NRG3: variants seen among roughly 807,000 people sequenced by gnomAD.
NRG3 encodes neuregulin 3, also known as pro-neuregulin-3, membrane-bound isoform.
Under a neutral mutation model 66.9 loss-of-function variants are expected in NRG3, and 31 were observed. The observed-to-expected ratio is 0.46, with a 90% CI of 0.35 to 0.63. The LOEUF (loss-of-function observed/expected upper bound fraction) is 0.63. NRG3 is among the 20% of genes least tolerant of loss of function. The pLI is 0.00. For synonymous variants in NRG3, 393 were observed against 359.4 expected, an observed-to-expected ratio of 1.09 and a Z score of -1.06; for missense variants, 910 against 878.9, an observed-to-expected ratio of 1.04 and a Z score of -0.45.
chr10:82,088,729 G>T (rs1312628121), intron 1 of NRG3, among the ~76,000 whole-genome samples: 1 of 152,076 alleles, frequency 6.6e-6, no homozygotes, highest in Non-Finnish European at 1.5e-5. Flanking sequence ...TTGAAGACAG[G>T]AAGTAGGGAG....
chr10:82,176,472 G>A (rs1051575356), intron 1 of NRG3, among the ~76,000 whole-genome samples: 9 of 152,110 alleles, frequency 5.9e-5, no homozygotes, highest in African/African-American at 2.2e-4. Flanking sequence ...AGATAGAAAT[G>A]CATGCTTGCT....
At chr10:82,968,709 G>A (rs145485319) in intron 6 of NRG3, among the ~76,000 whole-genome samples, 5 of 147,762 alleles carry the variant, frequency 3.4e-5, no homozygotes, top group African/African-American at 9.8e-5. Flanking sequence ...CTGACTTTTA[G>A]TGATTTGGCA....
At chr10:82,114,199 C>CATTTTGTT (rs1345759743) in intron 1 of NRG3, among the ~76,000 whole-genome samples, 2 of 152,230 alleles carry the variant, frequency 1.3e-5, no homozygotes, top group Non-Finnish European at 2.9e-5. Flanking sequence ...AGATATACCC[C>CATTTTGTT]ATTTTGTTCA....
intron 2 of NRG3, among the ~76,000 whole-genome samples, chr10:82,714,925 C>G: frequency 6.6e-6 from 1 of 152,106 alleles, no homozygotes; most frequent in East Asian, 1.9e-4. Flanking sequence ...TATTCTTAAA[C>G]ACAAAAATGA....
chr10:82,470,484 A>G (rs900385015), intron 2 of NRG3, among the ~76,000 whole-genome samples: 7 of 152,262 alleles, frequency 4.6e-5, no homozygotes, highest in Non-Finnish European at 8.8e-5. Flanking sequence ...TGTTAGCTAC[A>G]GGGACAGAAA....
chr10:82,524,720 T>C (rs956297947), intron 2 of NRG3, among the ~76,000 whole-genome samples: 2 of 151,936 alleles, frequency 1.3e-5, no homozygotes, highest in African/African-American at 4.8e-5. Context: ...TTCTTTTTAA[T>C]ATAGAACATT....
chr10:82,895,058 G>A (rs375759645), intron 4 of NRG3, among the ~76,000 whole-genome samples: 3 of 152,148 alleles, frequency 2.0e-5, no homozygotes, highest in Admixed American at 6.5e-5. Flanking sequence ...CCGTGTGCCT[G>A]CAAAGGACAT....
chr10:82,529,809 C>T (rs898819549), intron 2 of NRG3, among the ~76,000 whole-genome samples: 12 of 152,152 alleles, frequency 7.9e-5, no homozygotes, highest in Non-Finnish European at 1.2e-4. Context: ...ATTAATACAG[C>T]TCTGAAGTGT....
intron 2 of NRG3, among the ~76,000 whole-genome samples, chr10:82,445,214 G>A (rs2090651397): frequency 6.6e-6 from 1 of 151,658 alleles, no homozygotes; most frequent in African/African-American, 2.4e-5. Context: ...TGCCTTGGCA[G>A]ATGACTCCCA....
chr10:82,862,735 T>C (rs920747924), intron 3 of NRG3, among the ~76,000 whole-genome samples: 4 of 152,178 alleles, frequency 2.6e-5, no homozygotes, highest in African/African-American at 9.7e-5. Flanking sequence ...TGTCTACACT[T>C]ACTTGGGATT....
At chr10:82,913,548 T>C (rs556344121) in intron 4 of NRG3, among the ~76,000 whole-genome samples, 2 of 152,294 alleles carry the variant, frequency 1.3e-5, no homozygotes, top group Admixed American at 6.5e-5. Flanking sequence ...CTTTTGTAGA[T>C]TAAATTTCAC....
chr10:82,512,606 C>T (rs1845291924), intron 2 of NRG3, among the ~76,000 whole-genome samples: 1 of 152,122 alleles, frequency 6.6e-6, no homozygotes, highest in African/African-American at 2.4e-5. Context: ...AAAACCCCAA[C>T]CTGCCCAAGG....
chr10:82,353,705 C>A (rs2083581818), intron 1 of NRG3, among the ~76,000 whole-genome samples: 1 of 152,168 alleles, frequency 6.6e-6, no homozygotes, highest in Non-Finnish European at 1.5e-5. Flanking sequence ...CTAATGCCAG[C>A]AGCAGTGCTT....
chr10:82,007,500 G>A (rs1037089672), intron 1 of NRG3, among the ~76,000 whole-genome samples: 12 of 152,016 alleles, frequency 7.9e-5, no homozygotes, highest in African/African-American at 2.9e-4. Context: ...AGCCATCAGT[G>A]CCCGGCCTAA....
At chr10:82,234,904 G>T (rs905871445) in intron 1 of NRG3, among the ~76,000 whole-genome samples, 2 of 152,226 alleles carry the variant, frequency 1.3e-5, no homozygotes, top group Non-Finnish European at 2.9e-5. Context: ...AGCCGTGCTT[G>T]CCTTGTTACT....
intron 4 of NRG3, among the ~76,000 whole-genome samples, chr10:82,911,768 CTCT>C (rs1845342569): frequency 2.0e-5 from 3 of 151,304 alleles, no homozygotes; most frequent in Admixed American, 6.6e-5. Flanking sequence ...TTTATTATTT[CTCT>C]TCTTCTGATT....
chr10:81,989,072 CA>C (rs1344316955), intron 1 of NRG3, among the ~76,000 whole-genome samples: 1 of 151,954 alleles, frequency 6.6e-6, no homozygotes, highest in African/African-American at 2.4e-5. Context: ...TAGAATTAAT[CA>C]AATAGGACAT....
chr10:82,843,672 A>G (rs1591696797), intron 3 of NRG3, among the ~76,000 whole-genome samples: 1 of 152,342 alleles, frequency 6.6e-6, no homozygotes, highest in African/African-American at 2.4e-5. Context: ...ACAGCTATCT[A>G]CTGTTTAAAA....
intron 1 of NRG3, among the ~76,000 whole-genome samples, chr10:82,180,016 T>A (rs2073305884): frequency 6.6e-6 from 1 of 151,520 alleles, no homozygotes. Context: ...AATGTAATTA[T>A]TTTTTTAATT....
Sources: gnomAD v4.1 joint callset for allele counts (sites outside exome capture counted in the v4.1 genomes callset) on GRCh38, gnomAD v4.1.1 for gene constraint, MANE v1.5 for transcripts, NCBI Gene and HGNC (gene_info 2026-07-23, HGNC 2026-07-21) for gene names.